FER1L6: variants seen among roughly 807,000 people sequenced by gnomAD.
FER1L6 encodes the protein fer-1 like family member 6, also known as fer-1-like protein 6.
In FER1L6, 177 loss-of-function variants were observed where a neutral mutation model predicts 219.2. The ratio of observed to expected loss-of-function variants is 0.81; its 90% confidence interval spans 0.71 to 0.91. The LOEUF (loss-of-function observed/expected upper bound fraction) is 0.91, where lower values mean the gene tolerates loss of function less well. Ranked by LOEUF, FER1L6 falls within the 40% of genes least tolerant of loss-of-function variation. The pLI, the probability that FER1L6 is intolerant of heterozygous loss-of-function variation, is 0.00. For synonymous variants in FER1L6, 768 were observed against 824.3 expected (o/e 0.93, Z 1.17); for missense variants, 2,153 against 2,259.9 (o/e 0.95, Z 0.96).
intron 22 of FER1L6, 44 bp downstream of exon 22, chr8:124,049,800 G>A: frequency 6.2e-7 from 1 of 1,607,204 alleles, no homozygotes; most frequent in Non-Finnish European, 8.5e-7. Flanking sequence ...GGTCTACCTG[G>A]CCAGAGAAGT....
intron 12 of FER1L6, among the ~76,000 whole-genome samples, chr8:123,992,591 ATCT>A (rs565604397): frequency 3.8e-4 from 58 of 152,086 alleles, no homozygotes; most frequent in African/African-American, 1.2e-3. Context: ...TGCATCTTCC[ATCT>A]TCTTCTTTTC....
At chr8:123,974,249 A>G (rs756732516) in intron 7 of FER1L6, among the ~76,000 whole-genome samples, 10 of 152,306 alleles carry the variant, frequency 6.6e-5, no homozygotes, top group South Asian at 2.1e-4. Context: ...ATAAAGGAAC[A>G]GTGGAGTCTG....
intron 1 of FER1L6, among the ~76,000 whole-genome samples, chr8:123,936,477 T>TC (rs1012529936): frequency 7.3e-6 from 1 of 137,384 alleles, no homozygotes; most frequent in Admixed American, 6.9e-5. Flanking sequence ...TTTTTTTTTT[T>TC]TTTTTTTTTG....
chr8:124,031,070 T>G (rs2130685738), intron 18 of FER1L6, among the ~76,000 whole-genome samples: 1 of 152,232 alleles, frequency 6.6e-6, no homozygotes, highest in Non-Finnish European at 1.5e-5. Context: ...TTCCATGCTA[T>G]TCTCAGAGGG....
intron 32 of FER1L6, among the ~76,000 whole-genome samples, chr8:124,080,475 G>A (rs1488669623): frequency 1.3e-5 from 2 of 152,000 alleles, no homozygotes; most frequent in African/African-American, 2.4e-5. Context: ...CTGCCACCAC[G>A]CCGGGCTAAT....
At chr8:123,946,121 C>T (rs187111949) in intron 1 of FER1L6, among the ~76,000 whole-genome samples, 20 of 152,302 alleles carry the variant, frequency 1.3e-4, no homozygotes, top group African/African-American at 4.1e-4. Context: ...AGTGGCTAAA[C>T]ACAGGATAAA....
At chr8:123,942,264 C>A (rs574160104) in intron 1 of FER1L6, among the ~76,000 whole-genome samples, 78 of 152,304 alleles carry the variant, frequency 5.1e-4, no homozygotes, top group Non-Finnish European at 9.1e-4. Context: ...GCTCCTACAC[C>A]ATTGCCAGCC....
intron 10 of FER1L6, 91 bp downstream of exon 10, chr8:123,977,700 C>T: frequency 8.5e-7 from 1 of 1,177,218 alleles, no homozygotes; most frequent in Non-Finnish European, 1.2e-6. Context: ...AGCAGCAGTC[C>T]CCAGCCTTTC....
At chr8:123,989,746 T>C (rs1036230296) in intron 12 of FER1L6, among the ~76,000 whole-genome samples, 2 of 152,260 alleles carry the variant, frequency 1.3e-5, no homozygotes, top group Non-Finnish European at 2.9e-5. Flanking sequence ...CATTATTTTA[T>C]TCTTTTTTAT....
intron 39 of FER1L6, among the ~76,000 whole-genome samples, chr8:124,108,408 G>A (rs1326869049): frequency 6.6e-6 from 1 of 152,130 alleles, no homozygotes; most frequent in African/African-American, 2.4e-5. Context: ...CAGATTCTAA[G>A]TGTTCAATAA....
intron 1 of FER1L6, among the ~76,000 whole-genome samples, chr8:123,940,108 G>A (rs1423784642): frequency 6.6e-6 from 1 of 152,176 alleles, no homozygotes; most frequent in Non-Finnish European, 1.5e-5. Context: ...CTCATTAAAT[G>A]TTTGTTAAAT....
intron 1 of FER1L6, among the ~76,000 whole-genome samples, chr8:123,899,149 A>G (rs1464285788): frequency 6.6e-6 from 1 of 152,038 alleles, no homozygotes; most frequent in East Asian, 1.9e-4. Context: ...CCTGATTACC[A>G]CATCCATGCC....
chr8:124,105,671 T>C (rs558509017), intron 39 of FER1L6, among the ~76,000 whole-genome samples: 1 of 152,066 alleles, frequency 6.6e-6, no homozygotes, highest in East Asian at 1.9e-4. Flanking sequence ...GGCATGGAGG[T>C]TCCCGGTGAC....
rs1816013926 is a variant in FER1L6, at chr8:123,975,214, G to C, written c.591G>C (p.Lys197Asn). ...CTGGTGACATCAGGACTGGCACCAA[G>C]GGGTACCTGAAATGTGACATCAGTG... ...TDPGDIRTGT[K>N]GYLKCDISVM... The change falls in exon 8 of 41, where the codon AAG becomes AAC. Residue 197 changes from lysine to asparagine, a missense_variant. Transcript: ENST00000522917. The C allele has an allele frequency of 3.1e-6, 5 of 1,612,882 alleles. No individual in the cohort carries two copies. The highest frequency in any genetic ancestry group is 4.2e-6 in the Non-Finnish European group (5 of 1,179,748).
At chr8:123,890,183 C>T (rs1444117052) in intron 1 of FER1L6, among the ~76,000 whole-genome samples, 1 of 152,094 alleles carries the variant, frequency 6.6e-6, no homozygotes, top group African/African-American at 2.4e-5. Flanking sequence ...ATAGGTAATA[C>T]TAGCCCTAAA....
intron 1 of FER1L6, among the ~76,000 whole-genome samples, chr8:123,862,806 C>T (rs536345001): frequency 0.02 from 2,203 of 110,508 alleles, 477 homozygotes; most frequent in African/African-American, 0.084. Flanking sequence ...GTTTGTATTT[C>T]GGTGGGATCG....
At chr8:123,900,024 C>T (rs186556918) in intron 1 of FER1L6, among the ~76,000 whole-genome samples, 2 of 152,162 alleles carry the variant, frequency 1.3e-5, no homozygotes, top group African/African-American at 2.4e-5. Context: ...TTTTCTAATG[C>T]TGTGAAGAAT....
chr8:124,060,390 G>C (rs1393528368), intron 23 of FER1L6, 100 bp downstream of exon 23: 2 of 1,436,582 alleles, frequency 1.4e-6, no homozygotes, highest in African/African-American at 2.8e-5. Context: ...GGGAGACCTA[G>C]AGAAAAAGAA....
chr8:123,852,946 A>G lies in FER1L6; in HGVS notation c.-8+761A>G, dbSNP rs1816540009. On this transcript the variant is annotated intron_variant, in intron 1 of 40. Coordinates refer to ENST00000522917, the MANE Select transcript of FER1L6 (RefSeq NM_001039112.2). This position sits in a 1 kb window ranked among gnomAD's most constrained non-coding sequence, Gnocchi z 4.9. ...CCTAAGGTTATATATCATATATCAT[A>G]TATGAAATATGTATTAGATATAGAT... Among the ~76,000 whole-genome samples the G allele has an allele frequency of 6.6e-6, 1 of 152,200 alleles. No homozygotes were observed. The highest frequency in any genetic ancestry group is 2.4e-5 in the African/African-American group (1 of 41,446).
Sources: allele counts gnomAD v4.1 joint callset (sites outside exome capture counted in the v4.1 genomes callset), GRCh38; gene constraint gnomAD v4.1.1; non-coding constraint Gnocchi (gnomAD v3.1); transcripts MANE v1.5; gene names NCBI Gene and HGNC (gene_info 2026-07-23, HGNC 2026-07-21).